SLIT3: variants seen among roughly 807,000 people sequenced by gnomAD.
The protein encoded by SLIT3 is slit guidance ligand 3.
In SLIT3, 68 loss-of-function variants were observed where a neutral mutation model predicts 184.0. The ratio of observed to expected loss-of-function variants is 0.37; its 90% CI spans 0.30 to 0.45. SLIT3 has a LOEUF of 0.45. Among genes scored for constraint, SLIT3 ranks in the 20% least tolerant of loss-of-function variants. The probability of loss-of-function intolerance (pLI) is 1.00; values close to 1 mark genes in which losing one functional copy is unlikely to be tolerated. For missense variants in SLIT3, 1,707 were observed against 2,026.0 expected, an observed-to-expected ratio of 0.84 and a Z score of 3.02; for synonymous variants, 831 against 828.6, an observed-to-expected ratio of 1.00 and a Z score of -0.05.
chr5:168,858,448 T>C (rs934869421), intron 5 of SLIT3, among the ~76,000 whole-genome samples: 6 of 152,272 alleles, frequency 3.9e-5, no homozygotes, highest in Admixed American at 2.0e-4. Context: ...AAGCCTTGGT[T>C]TGGGGAAAGT....
At chr5:168,880,029 T>C (rs1214928773) in intron 5 of SLIT3, among the ~76,000 whole-genome samples, 1 of 152,234 alleles carries the variant, frequency 6.6e-6, no homozygotes, top group Non-Finnish European at 1.5e-5. Flanking sequence ...CACTTCCTTT[T>C]CCATGGCCTC....
chr5:168,952,329 A>C (rs1762674520), intron 4 of SLIT3, among the ~76,000 whole-genome samples: 1 of 152,124 alleles, frequency 6.6e-6, no homozygotes, highest in Non-Finnish European at 1.5e-5. Context: ...CTTTTCTGGC[A>C]TTCCTGGTGC....
chr5:168,977,960 G>A lies in SLIT3; in HGVS notation c.414-94624C>T, dbSNP rs558133086. On this transcript the variant is annotated intron_variant, in intron 4 of 35. Coordinates refer to ENST00000519560, the MANE Select transcript of SLIT3 (RefSeq NM_003062.4). The stretch of plus-strand genomic sequence containing the variant: ...GGAGATGGGCAGGAGGTGAAGTGAA[G>A]GCATTCCTCTGTCCTCTCGCTCCCA... 7.2e-5 allele frequency among the ~76,000 whole-genome samples: 11 copies of A among 152,288 alleles called. No individual in the cohort carries two copies. In the South Asian group the frequency reaches 2.1e-3, roughly 29 times the overall value.
At chr5:169,108,330 T>A (rs139813551) in intron 4 of SLIT3, among the ~76,000 whole-genome samples, 128 of 152,276 alleles carry the variant, frequency 8.4e-4, no homozygotes, top group African/African-American at 3.0e-3. Flanking sequence ...CATTTGAGAA[T>A]GGATTTCTGG....
intron 4 of SLIT3, among the ~76,000 whole-genome samples, chr5:169,001,649 T>G (rs1755706349): frequency 6.6e-6 from 1 of 152,224 alleles, no homozygotes; most frequent in South Asian, 2.1e-4. Flanking sequence ...TTCTTGGTTT[T>G]GATAACCTAA....
At chr5:168,669,653 C>T in intron 35 of SLIT3, 130 bp downstream of exon 35, 1 of 707,358 alleles carries the variant, frequency 1.4e-6, no homozygotes, top group Non-Finnish European at 2.5e-6. Context: ...GGAATTGAGG[C>T]TCAGAAAGTG....
chr5:168,900,843 A>T (rs2113827098), intron 4 of SLIT3, among the ~76,000 whole-genome samples: 1 of 152,350 alleles, frequency 6.6e-6, no homozygotes, highest in Middle Eastern at 3.4e-3. Context: ...CATTATTGTA[A>T]GTGAAACAAG....
At chr5:169,123,970 T>A (rs961054101) in intron 4 of SLIT3, among the ~76,000 whole-genome samples, 2 of 152,160 alleles carry the variant, frequency 1.3e-5, no homozygotes, top group Non-Finnish European at 2.9e-5. Context: ...AGAGCCCTTC[T>A]CCACCACAAC....
chr5:168,764,152 G>A (rs530623290), intron 14 of SLIT3, among the ~76,000 whole-genome samples: 10 of 152,262 alleles, frequency 6.6e-5, no homozygotes, highest in South Asian at 2.1e-4. Flanking sequence ...CTCAGGAGTG[G>A]TATGCATGCT....
At chr5:168,700,926 G>A (rs530926676) in intron 26 of SLIT3, among the ~76,000 whole-genome samples, 10 of 152,168 alleles carry the variant, frequency 6.6e-5, no homozygotes, top group Non-Finnish European at 1.0e-4. Flanking sequence ...TCACTACTTC[G>A]CAGAATTTGC....
chr5:168,913,346 C>A (rs944536839), intron 4 of SLIT3, among the ~76,000 whole-genome samples: 1 of 152,232 alleles, frequency 6.6e-6, no homozygotes, highest in African/African-American at 2.4e-5. Context: ...CTAACGCCCT[C>A]ATATTAAGTG....
intron 28 of SLIT3, among the ~76,000 whole-genome samples, chr5:168,695,118 G>A (rs148084763): frequency 6.6e-6 from 1 of 152,176 alleles, no homozygotes; most frequent in African/African-American, 2.4e-5. Context: ...GAGCCATTTG[G>A]CTTCCTTCTC....
chr5:169,259,689 G>A (rs1766099155), intron 1 of SLIT3, among the ~76,000 whole-genome samples: 2 of 152,172 alleles, frequency 1.3e-5, no homozygotes, highest in Admixed American at 1.3e-4. Flanking sequence ...ATTAACTCAT[G>A]TTGGGCATGA....
chr5:168,783,783 A>G (rs11744000), intron 12 of SLIT3, among the ~76,000 whole-genome samples: 19,384 of 152,150 alleles, frequency 0.13, 1,474 homozygotes, highest in Middle Eastern at 0.21. Context: ...TCAAAACCCA[A>G]TGACAGCTAC....
Position 169,251,104 on chromosome 5 carries a change from G to A in SLIT3, c.269+284C>T, listed in dbSNP as rs149769628. On this transcript the variant is annotated intron_variant, in intron 2 of 35. Coordinates refer to ENST00000519560, the MANE Select transcript of SLIT3 (RefSeq NM_003062.4). ...CATGGTTAGTCAACCTGACATCGCT[G>A]TCATCCTAGAAGCTGGGCATGGTGA... 4.2e-3 allele frequency among the ~76,000 whole-genome samples: 646 copies of A among 152,336 alleles called. 4 individuals are homozygous for A. The highest frequency in any genetic ancestry group is 0.015 in the African/African-American group (616 of 41,576).
chr5:168,818,393 G>A (rs933308826), intron 7 of SLIT3, among the ~76,000 whole-genome samples: 1 of 152,116 alleles, frequency 6.6e-6, no homozygotes, highest in Admixed American at 6.5e-5. Flanking sequence ...TCCACTACCA[G>A]GGAGGCAAAC....
chr5:168,727,757 G>T (rs545028325), intron 20 of SLIT3, among the ~76,000 whole-genome samples: 1 of 152,286 alleles, frequency 6.6e-6, no homozygotes. Flanking sequence ...CTCAGCCGGT[G>T]GTGGGAAGGA....
intron 5 of SLIT3, among the ~76,000 whole-genome samples, chr5:168,874,043 G>A (rs920332356): frequency 1.3e-5 from 2 of 151,958 alleles, no homozygotes; most frequent in Admixed American, 1.3e-4. Flanking sequence ...ACTTTGAGGG[G>A]GTCAGAATCA....
intron 3 of SLIT3, among the ~76,000 whole-genome samples, chr5:169,203,530 G>A (rs559272969): frequency 1.2e-4 from 19 of 152,158 alleles, no homozygotes; most frequent in Non-Finnish European, 2.1e-4. Context: ...CTCACAATGC[G>A]GCCAAGAAAG....
Sources: allele counts gnomAD v4.1 joint callset (sites outside exome capture counted in the v4.1 genomes callset), GRCh38; gene constraint gnomAD v4.1.1; transcripts MANE v1.5; gene names NCBI Gene and HGNC (gene_info 2026-07-23, HGNC 2026-07-21).